RBFOX1: variants seen among roughly 807,000 people sequenced by gnomAD.
The protein encoded by RBFOX1 is RNA binding protein fox-1 homolog 1.
In RBFOX1, 8 loss-of-function variants were observed where a neutral mutation model predicts 57.7. The ratio of observed to expected loss-of-function variants is 0.14; its 90% CI spans 0.08 to 0.25. The LOEUF is 0.25. Among genes scored for constraint, RBFOX1 ranks in the 10% least tolerant of loss-of-function variants. The pLI, the probability that RBFOX1 is intolerant of heterozygous loss-of-function variation, is 1.00. For synonymous variants in RBFOX1, 326 were observed against 222.4 expected (o/e 1.47, Z -4.15); for missense variants, 611 against 548.5 (o/e 1.11, Z -1.14).
chr16:7,355,402 C>A (rs900914171), intron 4 of RBFOX1, among the ~76,000 whole-genome samples: 1 of 152,142 alleles, frequency 6.6e-6, no homozygotes, highest in Non-Finnish European at 1.5e-5. Context: ...CCTACTGCCC[C>A]CTTTCTCCTG....
chr16:6,197,048 A>G (rs566831935), intron 1 of RBFOX1, among the ~76,000 whole-genome samples: 51 of 152,356 alleles, frequency 3.3e-4, no homozygotes, highest in Middle Eastern at 6.8e-3. Context: ...GATATATGTT[A>G]AATCCATTAG....
Position 5,832,560 on chromosome 16 carries a change from CAT to C in RBFOX1, c.319-34742_319-34741del, listed in dbSNP as rs567648054. 5.9e-3 allele frequency among the ~76,000 whole-genome samples: 903 copies of C among 152,302 alleles called. 7 individuals carry two copies. Among genetic ancestry groups the C allele is most frequent in the African/African-American group, 0.021 (861 of 41,546 alleles). ...ACAGCCTGGCATGTAGAATATAACA[CAT>C]GTTAGCTGTCACTGTTAGGCTTCTG... On this transcript the variant is annotated intron_variant, in intron 3 of 19. Coordinates refer to the RBFOX1 transcript ENST00000641259.
intron 1 of RBFOX1, among the ~76,000 whole-genome samples, chr16:6,227,972 G>A (rs2152896249): frequency 6.6e-6 from 1 of 152,222 alleles, no homozygotes; most frequent in East Asian, 1.9e-4. Flanking sequence ...CAATATATCG[G>A]AGAGATGTCT....
intron 2 of RBFOX1, among the ~76,000 whole-genome samples, chr16:6,627,373 T>C (rs1182647648): frequency 2.6e-5 from 4 of 152,096 alleles, no homozygotes; most frequent in African/African-American, 9.7e-5. Context: ...ATGCACTGCT[T>C]GGAGGAAGTG....
At chr16:6,003,862 G>A (rs903366974) in intron 4 of RBFOX1, among the ~76,000 whole-genome samples, 5 of 152,222 alleles carry the variant, frequency 3.3e-5, no homozygotes, top group African/African-American at 1.2e-4. Context: ...CTTCAAGAGA[G>A]CAGGCCTAGG....
chr16:5,426,592 A>G (rs1016182749), intron 1 of RBFOX1, among the ~76,000 whole-genome samples: 1 of 152,134 alleles, frequency 6.6e-6, no homozygotes, highest in Non-Finnish European at 1.5e-5. Flanking sequence ...TTGCTGGAGG[A>G]AATGGCTGTT....
chr16:6,854,980 C>G (rs1467489814), intron 3 of RBFOX1, among the ~76,000 whole-genome samples: 1 of 151,698 alleles, frequency 6.6e-6, no homozygotes, highest in African/African-American at 2.4e-5. Flanking sequence ...AATGCTTGGA[C>G]TAATCTTTGG....
intron 1 of RBFOX1, among the ~76,000 whole-genome samples, chr16:6,046,166 T>A (rs1026442758): frequency 1.1e-4 from 16 of 152,142 alleles, no homozygotes; most frequent in African/African-American, 3.6e-4. Context: ...GATGAAGATG[T>A]CAAAAGTGGA....
intron 3 of RBFOX1, among the ~76,000 whole-genome samples, chr16:6,656,924 T>TCCC (rs1181245865): frequency 7.6e-6 from 1 of 130,908 alleles, no homozygotes; most frequent in Admixed American, 7.6e-5. Flanking sequence ...TCCCCTCTCC[T>TCCC]CTCCTCCCCT....
intron 4 of RBFOX1, among the ~76,000 whole-genome samples, chr16:7,436,520 A>G (rs1346271330): frequency 6.6e-6 from 1 of 152,242 alleles, no homozygotes; most frequent in African/African-American, 2.4e-5. Flanking sequence ...GTTATGCCTC[A>G]TCCATCCAAC....
At chr16:7,208,132 A>G (rs1326703556) in intron 4 of RBFOX1, among the ~76,000 whole-genome samples, 3 of 152,174 alleles carry the variant, frequency 2.0e-5, no homozygotes, top group African/African-American at 7.2e-5. Context: ...CTGTTTATGT[A>G]TCCCTGGAGT....
At chr16:7,229,164 G>A (rs1228507572) in intron 4 of RBFOX1, among the ~76,000 whole-genome samples, 1 of 152,160 alleles carries the variant, frequency 6.6e-6, no homozygotes, top group African/African-American at 2.4e-5. Context: ...AGGAAAATCC[G>A]CAGATATTTC....
At chr16:6,251,525 T>C (rs1489533529) in intron 1 of RBFOX1, among the ~76,000 whole-genome samples, 2 of 152,010 alleles carry the variant, frequency 1.3e-5, no homozygotes, top group Non-Finnish European at 2.9e-5. Flanking sequence ...GGTTTGGGGC[T>C]CTTTACAGTA....
intron 3 of RBFOX1, among the ~76,000 whole-genome samples, chr16:6,828,369 C>G (rs1047655589): frequency 2.0e-5 from 3 of 151,944 alleles, no homozygotes; most frequent in Non-Finnish European, 2.9e-5. Flanking sequence ...ACTCAAAATA[C>G]AAAAATTAAC....
intron 4 of RBFOX1, among the ~76,000 whole-genome samples, chr16:5,893,860 C>T (rs779037326): frequency 1.3e-5 from 2 of 151,430 alleles, no homozygotes; most frequent in African/African-American, 2.4e-5. Flanking sequence ...TATGTACCTA[C>T]AAAAATTGAA....
chr16:5,265,082 G>A (rs2062826061), intron 1 of RBFOX1, among the ~76,000 whole-genome samples: 1 of 151,926 alleles, frequency 6.6e-6, no homozygotes, highest in Non-Finnish European at 1.5e-5. Flanking sequence ...GCAACCTTAT[G>A]TTGGTTCTCA....
In RBFOX1 at chr16:7,414,376, T is replaced by C. The variant is rs539257477; in HGVS notation, c.28-103771T>C. ...AAGATAGATTGGTGGTCAAAAGTCT[T>C]TCTGAGAAGATTACATGAGAGGAAA... On this transcript the variant is annotated intron_variant, in intron 4 of 15. Coordinates refer to ENST00000550418, the MANE Select transcript of RBFOX1 (RefSeq NM_018723.4). 2.6e-5 allele frequency among the ~76,000 whole-genome samples: 4 copies of C among 152,282 alleles called. No individual in the cohort carries two copies. The South Asian group carries it at 8.3e-4, about 32-fold the overall frequency.
chr16:7,703,153 C>T (rs190767941), intron 14 of RBFOX1, among the ~76,000 whole-genome samples: 17 of 152,292 alleles, frequency 1.1e-4, no homozygotes, highest in South Asian at 6.2e-4. Context: ...GGTAAGTGTG[C>T]GACTTGCATG....
At position 6,392,223 on chromosome 16, in the gene RBFOX1, C is replaced by CT. The variant is rs2092636451; in HGVS notation, c.-64+75167dup. On this transcript the variant is annotated intron_variant, in intron 2 of 15. Coordinates refer to ENST00000550418, the MANE Select transcript of RBFOX1 (RefSeq NM_018723.4). ...CAACGTAGCCTTTTACTGGTTAACT[C>CT]TAAGTATTTAAGATGTTCTCCAAGC... Among the ~76,000 whole-genome samples, 3 of 152,246 alleles carry CT rather than the reference C, an allele frequency of 2.0e-5. No homozygotes were observed. In the South Asian group the frequency reaches 6.2e-4, roughly 32 times the overall value.
Sources: allele counts gnomAD v4.1 joint callset (sites outside exome capture counted in the v4.1 genomes callset), GRCh38; gene constraint gnomAD v4.1.1; transcripts MANE v1.5; gene names NCBI Gene and HGNC (gene_info 2026-07-23, HGNC 2026-07-21).